Variants in PBX1 observed in about 807,000 individuals in gnomAD.
The protein encoded by PBX1 is pre-B-cell leukemia transcription factor 1.
A neutral mutation model predicts 53.4 loss-of-function variants in PBX1; 6 were observed. The observed-to-expected ratio is 0.11, with a 90% confidence interval of 0.06 to 0.22. The LOEUF (loss-of-function observed/expected upper bound fraction) is 0.22, where lower values mean the gene tolerates loss of function less well. Among genes scored for constraint, PBX1 ranks in the 10% least tolerant of loss-of-function variants. PBX1 has a pLI of 1.00. For missense variants in PBX1, 251 were observed against 551.4 expected (o/e 0.46, Z 5.46); for synonymous variants, 204 against 212.3 (o/e 0.96, Z 0.34).
chr1:164,836,373 A>C (rs1412931145), intron 8 of PBX1, among the ~76,000 whole-genome samples: 1 of 152,170 alleles, frequency 6.6e-6, no homozygotes, highest in East Asian at 1.9e-4. Flanking sequence ...GGACTCTTTA[A>C]AAAGAAAAAA....
In PBX1 at chr1:164,623,717, T is replaced by G. The variant is rs575368254; in HGVS notation, c.265+60406T>G. Among the ~76,000 whole-genome samples the G allele has an allele frequency of 2.6e-5, 4 of 152,346 alleles. No individual in the cohort carries two copies. In the South Asian group the frequency reaches 6.2e-4, roughly 24 times the overall value. ...TGGATATTCCCCACTTCTCTGTGCT[T>G]CTTGGTTCCTGCAGAGCCTGCCTTG... On this transcript the variant is annotated intron_variant, in intron 2 of 8. Coordinates refer to ENST00000420696, the MANE Select transcript of PBX1 (RefSeq NM_002585.4).
At position 164,837,707 on chromosome 1, in the gene PBX1, C is replaced by G. The variant is rs145709563; in HGVS notation, c.1201-8877C>G. ...TTTCTTTGCCAGGAGATCAGGATAG[C>G]CTTTGGAAAAAGTAAGAAAATCAAA... On this transcript the variant is annotated intron_variant, in intron 8 of 8. Transcript: ENST00000420696. Among the ~76,000 whole-genome samples, 7 of 152,268 alleles carry G rather than the reference C, an allele frequency of 4.6e-5. No individual in the cohort carries two copies. The South Asian group carries it at 1.5e-3, about 32-fold the overall frequency.
At chr1:164,711,448 A>G (rs946597527) in intron 2 of PBX1, among the ~76,000 whole-genome samples, 1 of 152,172 alleles carries the variant, frequency 6.6e-6, no homozygotes, top group Admixed American at 6.5e-5. Context: ...TATTTTTCAT[A>G]GAGACATGGT....
intron 2 of PBX1, among the ~76,000 whole-genome samples, chr1:164,566,240 T>C (rs1320996740): frequency 6.6e-6 from 1 of 152,166 alleles, no homozygotes; most frequent in Non-Finnish European, 1.5e-5. Context: ...CAGAAATTAC[T>C]GTGGGGATAT....
At chr1:164,811,551 A>G (rs1384194811) in intron 5 of PBX1, among the ~76,000 whole-genome samples, 1 of 152,210 alleles carries the variant, frequency 6.6e-6, no homozygotes, top group African/African-American at 2.4e-5. Context: ...TTAATCTATC[A>G]CACGAAAGCA....
At chr1:164,795,081 CAT>C (rs1376296168) in intron 3 of PBX1, among the ~76,000 whole-genome samples, 1 of 151,946 alleles carries the variant, frequency 6.6e-6, no homozygotes, top group African/African-American at 2.4e-5. Flanking sequence ...CTGCGGCTGA[CAT>C]AACGGCACTT....
chr1:164,715,845 G>C (rs1422867054), intron 2 of PBX1, among the ~76,000 whole-genome samples: 2 of 152,146 alleles, frequency 1.3e-5, no homozygotes, highest in Non-Finnish European at 1.5e-5. Context: ...TGTATCTTTG[G>C]GTCTATAACT....
At chr1:164,657,028 C>T (rs184103036) in intron 2 of PBX1, 2 of 152,230 alleles carry the variant, frequency 1.3e-5, no homozygotes, top group East Asian at 3.9e-4. Context: ...ATTAAGATAA[C>T]ATACTCTATT....
intron 2 of PBX1, among the ~76,000 whole-genome samples, chr1:164,865,736 A>AT (rs1217432659): frequency 1.3e-5 from 2 of 152,034 alleles, no homozygotes; most frequent in East Asian, 3.9e-4. Context: ...CTCATACTTA[A>AT]TTTTTTTCCA....
At chr1:164,616,164 T>C (rs1031264503) in intron 2 of PBX1, among the ~76,000 whole-genome samples, 13 of 152,142 alleles carry the variant, frequency 8.5e-5, no homozygotes, top group Non-Finnish European at 1.3e-4. Flanking sequence ...AACTTTCAAA[T>C]GGTGGTTCTT....
Position 164,731,666 on chromosome 1 carries a change from C to T in PBX1, c.266-60828C>T, listed in dbSNP as rs1664994109. 5.9e-5 allele frequency among the ~76,000 whole-genome samples: 9 copies of T among 152,274 alleles called. 1 individual carries two copies. In the South Asian group the frequency reaches 1.9e-3, roughly 32 times the overall value. On this transcript the variant is annotated intron_variant, in intron 2 of 8. Transcript: ENST00000420696. ...CTCCCCGATTGTCGCCTCTCTTTGC[C>T]TCCCATTCGAAAGCCCTCATCTGCT...
chr1:164,777,997 G>A (rs1667752424), intron 2 of PBX1, among the ~76,000 whole-genome samples: 1 of 152,080 alleles, frequency 6.6e-6, no homozygotes, highest in Non-Finnish European at 1.5e-5. Flanking sequence ...TTCTTTCATT[G>A]GAAACCTTCA....
chr1:164,778,550 T>G (rs991612194), intron 2 of PBX1, among the ~76,000 whole-genome samples: 1 of 151,690 alleles, frequency 6.6e-6, no homozygotes, highest in African/African-American at 2.4e-5. Flanking sequence ...TGTGGGAGGA[T>G]TGCTTGGACG....
chr1:164,718,541 G>T (rs1664238754), intron 2 of PBX1, among the ~76,000 whole-genome samples: 1 of 152,164 alleles, frequency 6.6e-6, no homozygotes, highest in Non-Finnish European at 1.5e-5. Context: ...TGTTCAAAAT[G>T]GTTCTGTGGA....
chr1:164,642,399 C>T (rs1373600359), intron 2 of PBX1, among the ~76,000 whole-genome samples: 1 of 152,226 alleles, frequency 6.6e-6, no homozygotes. Flanking sequence ...TCCTTTTGGT[C>T]TCAGACCAGG....
At chr1:164,647,010 G>T (rs956495334) in intron 2 of PBX1, among the ~76,000 whole-genome samples, 3 of 152,176 alleles carry the variant, frequency 2.0e-5, no homozygotes, top group Admixed American at 2.0e-4. Context: ...TGGTAGTAAG[G>T]GGGGCAGCCC....
chr1:164,841,356 A>G (rs1362100192), intron 8 of PBX1, among the ~76,000 whole-genome samples: 1 of 152,150 alleles, frequency 6.6e-6, no homozygotes, highest in Non-Finnish European at 1.5e-5. Context: ...AATTGTGTTG[A>G]TAGGGGAAGT....
At chr1:164,769,974 G>A (rs1433662795) in intron 2 of PBX1, 1 of 152,158 alleles carries the variant, frequency 6.6e-6, no homozygotes, top group Non-Finnish European at 1.5e-5. Context: ...CCAGGGTAGT[G>A]CAAAGAGCAT....
chr1:164,850,952 C>A lies in PBX1; in HGVS notation c.*4276C>A. ...GAGGCCTTTTCTTCCAGGAGAGTCC[C>A]GCAGGAGATGCTGGTATGATGGGCA... is the stretch of plus-strand genomic sequence containing the variant. On this transcript the variant is annotated 3_prime_UTR_variant, in exon 9 of 9. Transcript: ENST00000420696. 4.6e-6 allele frequency: 1 copy of A among 215,136 alleles called. No homozygotes were observed. Among genetic ancestry groups the A allele is most frequent in the South Asian group, 1.9e-4 (1 of 5,368 alleles). 13.3% of individuals were successfully genotyped at this position (215,136 alleles called of 1,614,324 possible).
Sources: gnomAD v4.1 joint callset for allele counts (sites outside exome capture counted in the v4.1 genomes callset) on GRCh38, gnomAD v4.1.1 for gene constraint, MANE v1.5 for transcripts, NCBI Gene and HGNC (gene_info 2026-07-23, HGNC 2026-07-21) for gene names.